Variants in SORBS2 observed in about 807,000 individuals in gnomAD.
The protein encoded by SORBS2 is sorbin and SH3 domain containing 2, also known as sorbin and SH3 domain-containing protein 2.
In SORBS2, 46 loss-of-function variants were observed where a neutral mutation model predicts 97.7. The ratio of observed to expected loss-of-function variants is 0.47; its 90% CI spans 0.37 to 0.60. SORBS2 has a LOEUF of 0.60. Ranked by LOEUF, SORBS2 falls within the 20% of genes least tolerant of loss-of-function variation. SORBS2 has a pLI of 0.00. For missense variants in SORBS2, 1,316 were observed against 1,282.3 expected (o/e 1.03, Z -0.40); for synonymous variants, 476 against 473.4 (o/e 1.01, Z -0.07).
chr4:185,909,558 G>A (rs1484073050), intron 1 of SORBS2, among the ~76,000 whole-genome samples: 2 of 142,234 alleles, frequency 1.4e-5, no homozygotes, highest in African/African-American at 5.0e-5. Context: ...ATAAATAAAA[G>A]GGTAAAAAAA....
chr4:185,591,799 G>C (rs781164416), intron 13 of SORBS2: 2 of 152,182 alleles, frequency 1.3e-5, no homozygotes, highest in Non-Finnish European at 2.9e-5. Context: ...AGAATCTCAA[G>C]GTCTCAGAGC....
chr4:185,823,826 A>C (rs1441673464), intron 1 of SORBS2, among the ~76,000 whole-genome samples: 1 of 152,172 alleles, frequency 6.6e-6, no homozygotes, highest in Non-Finnish European at 1.5e-5. Flanking sequence ...GAAATAGAAC[A>C]TTTTAAATCA....
intron 2 of SORBS2, among the ~76,000 whole-genome samples, chr4:185,767,785 C>A (rs565287537): frequency 2.0e-5 from 3 of 152,158 alleles, no homozygotes; most frequent in Non-Finnish European, 4.4e-5. Context: ...GTCTGTCCAG[C>A]GTTTCATTTC....
chr4:185,775,067 A>G (rs1308785018), intron 2 of SORBS2, 160 bp downstream of exon 2: 1 of 152,248 alleles, frequency 6.6e-6, no homozygotes, highest in African/African-American at 2.4e-5. Flanking sequence ...TACAGCCACA[A>G]AAATGCCCAG....
At chr4:185,730,904 C>T (rs1283991745) in intron 2 of SORBS2, among the ~76,000 whole-genome samples, 2 of 152,204 alleles carry the variant, frequency 1.3e-5, no homozygotes, top group African/African-American at 4.8e-5. Flanking sequence ...TCAGGCTGTA[C>T]CCAAATTGCA....
At chr4:185,655,632 G>T (rs936388354) in intron 1 of SORBS2, among the ~76,000 whole-genome samples, 29 of 152,186 alleles carry the variant, frequency 1.9e-4, no homozygotes, top group African/African-American at 6.8e-4. Flanking sequence ...AGGGAAACTG[G>T]CATTAAATGT....
chr4:185,951,317 G>A (rs1408577109), intron 1 of SORBS2, among the ~76,000 whole-genome samples: 1 of 152,154 alleles, frequency 6.6e-6, no homozygotes, highest in Non-Finnish European at 1.5e-5. Context: ...TGCCTCCCAT[G>A]TCTGACAAAT....
chr4:185,850,677 C>T (rs187173514), intron 1 of SORBS2, among the ~76,000 whole-genome samples: 72 of 152,250 alleles, frequency 4.7e-4, no homozygotes, highest in African/African-American at 1.5e-3. Context: ...TCTATTGAGT[C>T]GGGTTGAAAT....
chr4:185,730,292 T>A (rs74290273), intron 2 of SORBS2, among the ~76,000 whole-genome samples: 63,911 of 149,356 alleles, frequency 0.43, 15,149 homozygotes, highest in Admixed American at 0.54. Context: ...TTTTTTTTTT[T>A]AAAGGTCAAT....
At chr4:185,689,170 T>A (rs1032276102) in intron 2 of SORBS2, among the ~76,000 whole-genome samples, 1 of 152,202 alleles carries the variant, frequency 6.6e-6, no homozygotes, top group African/African-American at 2.4e-5. Context: ...TGTATGCATA[T>A]CCCTGTCATA....
At chr4:185,900,942 A>G (rs1419444524) in intron 1 of SORBS2, among the ~76,000 whole-genome samples, 2 of 152,254 alleles carry the variant, frequency 1.3e-5, no homozygotes. Flanking sequence ...ATGGACAGCT[A>G]TCTCTTTCTG....
chr4:185,899,109 C>T (rs140983525), intron 1 of SORBS2, among the ~76,000 whole-genome samples: 1 of 152,284 alleles, frequency 6.6e-6, no homozygotes, highest in African/African-American at 2.4e-5. Flanking sequence ...GGAATCAGGG[C>T]AGCCTCTGAC....
At chr4:185,675,779 C>A (rs1053894323) in intron 4 of SORBS2, among the ~76,000 whole-genome samples, 2 of 152,018 alleles carry the variant, frequency 1.3e-5, no homozygotes, top group Non-Finnish European at 2.9e-5. Context: ...GAAGATATTA[C>A]CTTAATTAGA....
rs1288748201 is a variant in SORBS2, at chr4:185,868,147, C to CTTTCTTTCTTTTTTTTTTTTTTTTTTTT, written c.-338+88048_-338+88049insAAAAAAAAAAAAAAAAAAAAGAAAGAAA. On this transcript the variant is annotated intron_variant, in intron 1 of 20. Transcript: ENST00000284776. ...TCTACTTTCCTTTCTCTTTTCTTTT[C>CTTTCTTTCTTTTTTTTTTTTTTTTTTTT]TTTTTTTCTTTCTTTTTTTTTTTTT... Among the ~76,000 whole-genome samples, 42 of 89,776 alleles carry CTTTCTTTCTTTTTTTTTTTTTTTTTTTT rather than the reference C, an allele frequency of 4.7e-4. 9 individuals are homozygous for CTTTCTTTCTTTTTTTTTTTTTTTTTTTT. The highest frequency in any genetic ancestry group is 1.1e-3 in the African/African-American group (24 of 21,010). The allele number at this position is 89,776 out of a possible 152,430, so 58.9% of individuals were successfully genotyped here. A position where few individuals can be genotyped will look rare whatever the true frequency, so the allele number is the denominator to read the frequency against.
At chr4:185,899,438 TA>T (rs1431746968) in intron 1 of SORBS2, among the ~76,000 whole-genome samples, 1 of 152,176 alleles carries the variant, frequency 6.6e-6, no homozygotes, top group Non-Finnish European at 1.5e-5. Flanking sequence ...AGTTTATTTT[TA>T]TTTTTTTTAA....
At chr4:185,925,746 C>G (rs1297392490) in intron 1 of SORBS2, among the ~76,000 whole-genome samples, 3 of 152,128 alleles carry the variant, frequency 2.0e-5, no homozygotes, top group African/African-American at 7.2e-5. Flanking sequence ...ATTACCTCCT[C>G]TCAGAGTTAC....
chr4:185,886,069 G>A (rs375391965), intron 1 of SORBS2, among the ~76,000 whole-genome samples: 1 of 152,120 alleles, frequency 6.6e-6, no homozygotes. Flanking sequence ...AAGCAAATAC[G>A]ATGTGTTACA....
At chr4:185,759,068 C>T (rs909802316) in intron 2 of SORBS2, among the ~76,000 whole-genome samples, 5 of 152,180 alleles carry the variant, frequency 3.3e-5, no homozygotes, top group East Asian at 1.9e-4. Flanking sequence ...GTGTCTCAAG[C>T]GCTCAGAACA....
At chr4:185,719,089 G>C (rs953347137) in intron 2 of SORBS2, among the ~76,000 whole-genome samples, 1 of 152,128 alleles carries the variant, frequency 6.6e-6, no homozygotes, top group African/African-American at 2.4e-5. Context: ...AAAAAAATCG[G>C]TGTACCTGTT....
Sources: allele counts gnomAD v4.1 joint callset (sites outside exome capture counted in the v4.1 genomes callset), GRCh38; gene constraint gnomAD v4.1.1; transcripts MANE v1.5; gene names NCBI Gene and HGNC (gene_info 2026-07-23, HGNC 2026-07-21).